Variants in ENPP3 observed in about 807,000 individuals in gnomAD.
ENPP3 encodes the protein ectonucleotide pyrophosphatase/phosphodiesterase 3.
Under a neutral mutation model 117.8 loss-of-function variants are expected in ENPP3, and 104 were observed. The ratio of observed to expected loss-of-function variants is 0.88; its 90% CI spans 0.75 to 1.04. ENPP3 has a LOEUF of 1.04. Ranked by LOEUF, ENPP3 falls within the 50% of genes least tolerant of loss-of-function variation. The pLI is 0.00. For synonymous variants in ENPP3, 380 were observed against 349.9 expected (o/e 1.09, Z -0.96); for missense variants, 1,026 against 1,051.9 (o/e 0.98, Z 0.34).
chr6:131,725,509 A>C (rs373770730), intron 19 of ENPP3, among the ~76,000 whole-genome samples: 60 of 152,106 alleles, frequency 3.9e-4, no homozygotes, highest in African/African-American at 1.3e-3. Flanking sequence ...ATCATGCCTT[A>C]ATCACCTCCT....
intron 1 of ENPP3, among the ~76,000 whole-genome samples, chr6:131,639,602 A>G (rs1471699446): frequency 6.6e-6 from 1 of 152,116 alleles, no homozygotes; most frequent in Non-Finnish European, 1.5e-5. Context: ...GATGTCTTCA[A>G]ACTTTTACTA....
chr6:131,675,379 T>C, intron 9 of ENPP3, 190 bp downstream of exon 9: 1 of 554,378 alleles, frequency 1.8e-6, no homozygotes, highest in Middle Eastern at 4.5e-4. Flanking sequence ...ATTAAAAATC[T>C]ATGTAGCCTG....
At position 131,652,653 on chromosome 6, in the gene ENPP3, A is replaced by G. The variant is rs751398070; in HGVS notation, c.389A>G (p.Lys130Arg). The change falls in exon 4 of 25, where the codon AAG becomes AGG. Residue 130 changes from lysine (K) to arginine (R), a missense_variant. Transcript: ENST00000357639. Reference protein sequence around the residue: ...LQRKDCCADYKSVCQGETSWL... With the variant: ...LQRKDCCADYRSVCQGETSWL... ...AGGAAAGATTGCTGTGCTGACTATAAGAGTGTTTGCCAAGGTGAGCAGGAG... is the reference window on the plus strand; with the variant it reads ...AGGAAAGATTGCTGTGCTGACTATAGGAGTGTTTGCCAAGGTGAGCAGGAG... 1 of 1,614,046 alleles carries G rather than the reference A, an allele frequency of 6.2e-7. No homozygotes were observed. Among genetic ancestry groups the G allele is most frequent in the Non-Finnish European group, 8.5e-7 (1 of 1,179,970 alleles).
intron 6 of ENPP3, among the ~76,000 whole-genome samples, chr6:131,670,370 A>AT (rs1778713033): frequency 2.6e-5 from 4 of 152,064 alleles, no homozygotes; most frequent in Non-Finnish European, 1.5e-5. Flanking sequence ...AATATAGAGT[A>AT]CATTTAGCTC....
intron 11 of ENPP3, 34 bp downstream of exon 11, chr6:131,677,974 AT>A: frequency 7.6e-7 from 1 of 1,311,470 alleles, no homozygotes; most frequent in Non-Finnish European, 1.1e-6. Context: ...AAAAAAAAAA[AT>A]GTAAAATCAT....
Position 131,688,818 on chromosome 6 carries a change from G to A in ENPP3, c.1284+2911G>A, listed in dbSNP as rs553825045. Among the ~76,000 whole-genome samples the A allele has an allele frequency of 5.5e-3, 824 of 150,910 alleles. 5 individuals carry two copies. Among genetic ancestry groups the A allele is most frequent in the African/African-American group, 0.017 (690 of 41,074 alleles). ...TATAATCCTAGCACTTTGGGAGGCC[G>A]AGGCAGGTGGATCATTTGAGGTCAG... On this transcript the variant is annotated intron_variant, in intron 14 of 24. Coordinates refer to ENST00000357639, the MANE Select transcript of ENPP3 (RefSeq NM_005021.5).
In ENPP3 at chr6:131,738,141, G is replaced by C. The variant is rs752362928; in HGVS notation, c.2278G>C (p.Asp760His). The C allele has an allele frequency of 1.4e-5, 23 of 1,610,850 alleles. No homozygotes were observed. The highest frequency in any genetic ancestry group is 1.0e-4 in the Admixed American group (6 of 59,680). Residue 760 changes from aspartate (D) to histidine (H), a missense_variant, in exon 23 of 25, where the codon GAT (aspartate) becomes CAT (histidine). Asp to His is a moderately conservative substitution (Grantham distance 81). Coordinates refer to ENST00000357639, the MANE Select transcript of ENPP3 (RefSeq NM_005021.5). Reference protein sequence around the residue: ...IFDYNYDGHFDAPDEITKHLA... With the variant: ...IFDYNYDGHFHAPDEITKHLA... ...TGATTATAATTATGATGGCCATTTT[G>C]ATGCTCCAGATGAAATTACCAAGTA...
At chr6:131,722,150 G>A (rs1780046820) in intron 17 of ENPP3, 77 bp from the exon 18 acceptor site, 1 of 1,032,314 alleles carries the variant, frequency 9.7e-7, no homozygotes, top group African/African-American at 1.6e-5. Context: ...GTAGGTGTTT[G>A]TTTCTTCCCA....
intron 23 of ENPP3, 61 bp from the exon 24 acceptor site, chr6:131,740,161 CTT>C (rs1182975674): frequency 6.2e-6 from 8 of 1,290,810 alleles, no homozygotes; most frequent in African/African-American, 6.1e-5. Context: ...TGTAAACACA[CTT>C]ATCACCTTTA....
At position 131,718,656 on chromosome 6, in the gene ENPP3, T is replaced by C; in HGVS notation, c.1413-16T>C. ...CAATATATTGATCAGTGTGTAATAA[T>C]ATTTTTTCTTTATAGGAGTAAATCA... On this transcript the variant is annotated splice_polypyrimidine_tract_variant and intron_variant, in intron 15 of 24. Coordinates refer to ENST00000357639, the MANE Select transcript of ENPP3 (RefSeq NM_005021.5). The C allele has an allele frequency of 7.1e-7, 1 of 1,411,242 alleles. No homozygotes were observed. The highest frequency in any genetic ancestry group is 1.0e-6 in the Non-Finnish European group (1 of 998,952). The allele number at this position is 1,411,242 out of a possible 1,614,324, so 87.4% of individuals were successfully genotyped here. A position where few individuals can be genotyped will look rare whatever the true frequency, so the allele number is the denominator to read the frequency against.
chr6:131,696,482 T>C lies in ENPP3; in HGVS notation c.1412+2858T>C, dbSNP rs553068942. Among the ~76,000 whole-genome samples, 6 of 152,306 alleles carry C rather than the reference T, an allele frequency of 3.9e-5. No individual in the cohort carries two copies. In the East Asian group the frequency reaches 9.7e-4, roughly 25 times the overall value. On this transcript the variant is annotated intron_variant, in intron 15 of 24. Coordinates refer to ENST00000357639, the MANE Select transcript of ENPP3 (RefSeq NM_005021.5). ...TGCTGATCGGGGTTTGGAAGACTTA[T>C]GATGGGATAGGATACGTGTTGCCAT...
At chr6:131,685,608 G>A in intron 13 of ENPP3, 113 bp downstream of exon 13, 2 of 988,266 alleles carry the variant, frequency 2.0e-6, no homozygotes, top group East Asian at 4.8e-5. Flanking sequence ...GACTTCTTGA[G>A]AAGACCACAG....
intron 11 of ENPP3, among the ~76,000 whole-genome samples, chr6:131,678,958 T>C (rs187321016): frequency 0.012 from 985 of 82,640 alleles, 34 homozygotes; most frequent in African/African-American, 0.035. Flanking sequence ...TCTTTCTTTC[T>C]TTCCTTCCTT....
intron 6 of ENPP3, among the ~76,000 whole-genome samples, chr6:131,663,721 G>C (rs1158926803): frequency 6.6e-6 from 1 of 151,500 alleles, no homozygotes; most frequent in Non-Finnish European, 1.5e-5. Context: ...CTATCACCTA[G>C]TGATGTCATA....
intron 7 of ENPP3, among the ~76,000 whole-genome samples, chr6:131,671,638 C>A (rs1778744642): frequency 6.6e-6 from 1 of 152,190 alleles, no homozygotes; most frequent in South Asian, 2.1e-4. Flanking sequence ...ATCTGAGGGT[C>A]TGCTGGGAAC....
At position 131,722,369 on chromosome 6, in the gene ENPP3, A is replaced by G; in HGVS notation, c.1710A>G (p.Thr570=). 1 of 1,614,092 alleles carries G rather than the reference A, an allele frequency of 6.2e-7. No individual in the cohort carries two copies. The highest frequency in any genetic ancestry group is 8.5e-7 in the Non-Finnish European group (1 of 1,179,980). ...SVCGFANPLP[T]ESLDCFCPHL... ...GTGGCTTTGCTAATCCATTGCCCAC[A>G]GAGTCTCTTGACTGTTTCTGCCCTC... The change falls in exon 18 of 25, where the codon ACA becomes ACG. Residue 570 remains threonine (T), a synonymous_variant. Transcript: ENST00000357639.
At chr6:131,724,420 G>A (rs1203018218) in intron 19 of ENPP3, among the ~76,000 whole-genome samples, 1 of 152,110 alleles carries the variant, frequency 6.6e-6, no homozygotes, top group African/African-American at 2.4e-5. Flanking sequence ...GGCTGTGTGA[G>A]CTGGGGCAAA....
rs59698316 is a variant in ENPP3, at chr6:131,734,899, CAA to C, written c.2089+1191_2089+1192del. Among the ~76,000 whole-genome samples, 505 of 82,598 alleles carry C rather than the reference CAA, an allele frequency of 6.1e-3. 6 individuals carry two copies. Among genetic ancestry groups the C allele is most frequent in the African/African-American group, 0.019 (470 of 25,286 alleles). 54.2% of individuals were successfully genotyped at this position (82,598 alleles called of 152,430 possible). On this transcript the variant is annotated intron_variant, in intron 21 of 24. Transcript: ENST00000357639. The stretch of plus-strand genomic sequence containing the variant: ...TGGGTGACAGAGTGAGACTCTGTCT[CAA>C]AAAAAAAAAAAAAAGTTGCAACATT...
intron 1 of ENPP3, among the ~76,000 whole-genome samples, chr6:131,641,103 G>A (rs1274394834): frequency 6.6e-6 from 1 of 151,892 alleles, no homozygotes; most frequent in Non-Finnish European, 1.5e-5. Context: ...ATCACAAATG[G>A]GTGCCTGGTT....
Sources: gnomAD v4.1 joint callset for allele counts (sites outside exome capture counted in the v4.1 genomes callset) on GRCh38, gnomAD v4.1.1 for gene constraint, MANE v1.5 for transcripts, NCBI Gene and HGNC (gene_info 2026-07-23, HGNC 2026-07-21) for gene names.